The following ZNF407 variants were observed in gnomAD, a reference collection of about 807,000 sequenced individuals.
ZNF407 encodes the protein zinc finger protein 407.
Under a neutral mutation model 131.2 loss-of-function variants are expected in ZNF407, and 17 were observed. The ratio of observed to expected loss-of-function variants is 0.13; its 90% CI spans 0.09 to 0.19. The LOEUF (loss-of-function observed/expected upper bound fraction) is 0.19, where lower values mean the gene tolerates loss of function less well. Ranked by LOEUF, ZNF407 falls within the 10% of genes least tolerant of loss-of-function variation. ZNF407 has a pLI of 1.00. For missense variants in ZNF407, 2,681 were observed against 2,830.6 expected (o/e 0.95, Z 1.20); for synonymous variants, 1,156 against 1,062.0 (o/e 1.09, Z -1.72).
chr18:74,763,358 CAT>C lies in ZNF407; in HGVS notation c.4803-18067_4803-18066del, dbSNP rs746447723. ...TGCTAGAGATAAGCTTTTTATTAAA[CAT>C]ATGATTTGCAAGTATTTTGTCCTAG... On this transcript the variant is annotated intron_variant, in intron 3 of 8. Coordinates refer to ENST00000299687, the MANE Select transcript of ZNF407 (RefSeq NM_017757.3). Among the ~76,000 whole-genome samples, 7 of 151,546 alleles carry C rather than the reference CAT, an allele frequency of 4.6e-5. No individual in the cohort carries two copies. In the South Asian group the frequency reaches 6.2e-4, roughly 14 times the overall value.
intron 3 of ZNF407, among the ~76,000 whole-genome samples, chr18:74,659,836 A>C (rs778516997): frequency 2.0e-5 from 3 of 152,182 alleles, no homozygotes; most frequent in Non-Finnish European, 4.4e-5. Context: ...TTTAAGGTTA[A>C]GGATTGGTTA....
intron 4 of ZNF407, among the ~76,000 whole-genome samples, chr18:74,838,762 G>A (rs1193443622): frequency 6.6e-6 from 1 of 152,126 alleles, no homozygotes; most frequent in Non-Finnish European, 1.5e-5. Flanking sequence ...AACCAAATGA[G>A]TATATGTTGG....
rs373986243 is a variant in ZNF407, at chr18:74,727,996, C to T, written c.4803-53432C>T. Among the ~76,000 whole-genome samples the T allele has an allele frequency of 6.6e-5, 10 of 152,160 alleles. No homozygotes were observed. In the East Asian group the frequency reaches 7.7e-4, roughly 12 times the overall value. On this transcript the variant is annotated intron_variant, in intron 3 of 8. Coordinates refer to ENST00000299687, the MANE Select transcript of ZNF407 (RefSeq NM_017757.3). Reference sequence around the variant, plus strand: ...GGGGAGAAGGAGAGTGATGGAGGAGCGCCCTCTCCTACCGCAGCCTTCCTC... The same window carrying T: ...GGGGAGAAGGAGAGTGATGGAGGAGTGCCCTCTCCTACCGCAGCCTTCCTC...
intron 1 of ZNF407, among the ~76,000 whole-genome samples, chr18:74,610,523 T>TA (rs398120686): frequency 1.3e-5 from 2 of 152,120 alleles, no homozygotes; most frequent in African/African-American, 4.8e-5. Flanking sequence ...TTTAGTTTTT[T>TA]AGAATAGGAC....
chr18:74,751,663 GT>G (rs1415387709), intron 3 of ZNF407, among the ~76,000 whole-genome samples: 1 of 151,984 alleles, frequency 6.6e-6, no homozygotes, highest in Non-Finnish European at 1.5e-5. Context: ...CAAAATGATG[GT>G]TTCCAGCTTC....
chr18:74,648,120 C>T (rs1407912054), intron 3 of ZNF407, among the ~76,000 whole-genome samples: 2 of 152,086 alleles, frequency 1.3e-5, no homozygotes, highest in African/African-American at 2.4e-5. Flanking sequence ...AAGGTCAAAA[C>T]GACACCTGCC....
rs142071373 is a variant in ZNF407, at chr18:74,735,829, C to G, written c.4803-45599C>G. On this transcript the variant is annotated intron_variant, in intron 3 of 8. Coordinates refer to ENST00000299687, the MANE Select transcript of ZNF407 (RefSeq NM_017757.3). ...ATTTATCTTCGTATTTCCTCTTTGC[C>G]CCACATTTTGAAAACAATAACAGAA... 4.6e-3 allele frequency among the ~76,000 whole-genome samples: 694 copies of G among 152,222 alleles called. 7 individuals are homozygous for G. The highest frequency in any genetic ancestry group is 0.028 in the South Asian group (134 of 4,818).
intron 3 of ZNF407, among the ~76,000 whole-genome samples, chr18:74,776,104 G>T (rs1969465708): frequency 6.6e-6 from 1 of 152,162 alleles, no homozygotes; most frequent in African/African-American, 2.4e-5. Flanking sequence ...ATTAGTTGGA[G>T]CATTTGGGAG....
At chr18:74,666,328 C>A (rs1398600060) in intron 3 of ZNF407, among the ~76,000 whole-genome samples, 1 of 152,080 alleles carries the variant, frequency 6.6e-6, no homozygotes, top group East Asian at 1.9e-4. Context: ...TCCAGACAGG[C>A]CGGGGACAGA....
At chr18:74,964,580 GTTT>G (rs35373107) in intron 8 of ZNF407, among the ~76,000 whole-genome samples, 2 of 118,614 alleles carry the variant, frequency 1.7e-5, no homozygotes, top group African/African-American at 6.3e-5. Context: ...TATCATCCGG[GTTT>G]TTTTTTTTTT....
intron 3 of ZNF407, among the ~76,000 whole-genome samples, chr18:74,708,744 A>G (rs1035006759): frequency 5.3e-5 from 8 of 152,218 alleles, no homozygotes; most frequent in African/African-American, 1.9e-4. Flanking sequence ...TATGGCTGCC[A>G]CAACAGGAAC....
rs1429063036 is a variant in ZNF407, at chr18:74,939,283, A to G, written c.5428+18591A>G. Among the ~76,000 whole-genome samples the G allele has an allele frequency of 4.6e-5, 7 of 152,238 alleles. No individual in the cohort carries two copies. The East Asian group carries it at 1.2e-3, about 25-fold the overall frequency. On this transcript the variant is annotated intron_variant, in intron 8 of 8. Coordinates refer to ENST00000299687, the MANE Select transcript of ZNF407 (RefSeq NM_017757.3). ...ATTGAAATATTACACCTGAAATACA[A>G]GAAAATTGATCATTATTTTAGTGAA...
intron 4 of ZNF407, among the ~76,000 whole-genome samples, chr18:74,799,581 T>G (rs779848374): frequency 6.6e-6 from 1 of 152,088 alleles, no homozygotes; most frequent in Non-Finnish European, 1.5e-5. Context: ...CTGAAAACAT[T>G]AAAAGGAGTA....
chr18:74,892,681 A>G (rs770686576), intron 7 of ZNF407, among the ~76,000 whole-genome samples: 13 of 152,342 alleles, frequency 8.5e-5, no homozygotes, highest in Middle Eastern at 3.4e-3. Flanking sequence ...TATTAAATCC[A>G]AAAATCAATT....
intron 3 of ZNF407, among the ~76,000 whole-genome samples, chr18:74,779,905 A>G (rs1310876314): frequency 1.3e-5 from 2 of 152,028 alleles, no homozygotes; most frequent in African/African-American, 2.4e-5. Context: ...ATTATAGACA[A>G]TGGAGGACAG....
At chr18:74,719,056 A>C (rs767622443) in intron 3 of ZNF407, among the ~76,000 whole-genome samples, 1 of 152,118 alleles carries the variant, frequency 6.6e-6, no homozygotes, top group Non-Finnish European at 1.5e-5. Context: ...GTATTTTTTA[A>C]ATTGACATAT....
At position 75,063,585 on chromosome 18, in the gene ZNF407, A is replaced by G; in HGVS notation, c.5864A>G (p.Glu1955Gly). ...GGSMEGHGMD[E>G]SLSPGGAVIQ... ...TCCATGGAAGGCCACGGCATGGATG[A>G]GTCCCTCAGTCCAGGTGGCGCTGTG... The change falls in exon 9 of 9, where the codon GAG becomes GGG. Residue 1955 changes from glutamate to glycine, a missense_variant. Coordinates refer to ENST00000299687, the MANE Select transcript of ZNF407 (RefSeq NM_017757.3). This position sits in a 1 kb window ranked among gnomAD's most constrained non-coding sequence, Gnocchi z 6.6. The G allele has an allele frequency of 6.4e-7, 1 of 1,569,216 alleles. No individual in the cohort carries two copies. Among genetic ancestry groups the G allele is most frequent in the Non-Finnish European group, 8.6e-7 (1 of 1,158,760 alleles).
chr18:74,939,062 G>A (rs925891855), intron 8 of ZNF407, among the ~76,000 whole-genome samples: 2 of 152,216 alleles, frequency 1.3e-5, no homozygotes, highest in African/African-American at 2.4e-5. Context: ...GATTCAGAAA[G>A]AGAGGGTAAT....
At chr18:74,617,158 C>CACACCACACATATCCATATCACACA (rs1983347148) in intron 1 of ZNF407, among the ~76,000 whole-genome samples, 1 of 23,760 alleles carries the variant, frequency 4.2e-5, no homozygotes, top group African/African-American at 1.3e-4. Context: ...TCCATATCCA[C>CACACCACACATATCCATATCACACA]GCACCACACA....
Sources: gnomAD v4.1 joint callset for allele counts (sites outside exome capture counted in the v4.1 genomes callset) on GRCh38, gnomAD v4.1.1 for gene constraint, Gnocchi (gnomAD v3.1) non-coding constraint, MANE v1.5 for transcripts, NCBI Gene and HGNC (gene_info 2026-07-23, HGNC 2026-07-21) for gene names.